The following ADCY9 variants were observed in gnomAD, a reference collection of about 807,000 sequenced individuals.
ADCY9 encodes the protein adenylate cyclase type 9.
A neutral mutation model predicts 101.5 loss-of-function variants in ADCY9; 50 were observed. The observed-to-expected ratio is 0.49, with a 90% CI of 0.39 to 0.62. ADCY9 has a LOEUF of 0.62. Ranked by LOEUF, ADCY9 falls within the 20% of genes least tolerant of loss-of-function variation. ADCY9 has a pLI of 0.00. For synonymous variants in ADCY9, 905 were observed against 769.3 expected (o/e 1.18, Z -2.92); for missense variants, 1,662 against 1,800.4 (o/e 0.92, Z 1.39).
Position 4,105,475 on chromosome 16 carries a change from C to G in ADCY9, c.1693+8275G>C, listed in dbSNP as rs376904650. ...TCACTTGAGGCCAAGATTTTGACAC[C>G]AGCCTGGCCAACATGGTCAAACACC... On this transcript the variant is annotated intron_variant, in intron 2 of 10. Transcript: ENST00000294016. Among the ~76,000 whole-genome samples, 49 of 150,556 alleles carry G rather than the reference C, an allele frequency of 3.3e-4. No homozygotes were observed. The East Asian group carries it at 9.4e-3, about 29-fold the overall frequency.
chr16:3,982,118 T>C (rs2056148621), intron 7 of ADCY9: 1 of 151,832 alleles, frequency 6.6e-6, no homozygotes, highest in Admixed American at 6.6e-5. Context: ...CCACAGGGAG[T>C]TCTGGGAAAC....
intron 2 of ADCY9, among the ~76,000 whole-genome samples, chr16:4,034,395 A>T (rs540838267): frequency 6.6e-6 from 1 of 152,304 alleles, no homozygotes; most frequent in African/African-American, 2.4e-5. Context: ...TCTCCCCAGA[A>T]GAGGAGCCAA....
intron 2 of ADCY9, among the ~76,000 whole-genome samples, chr16:4,101,763 G>A (rs1256473149): frequency 6.6e-6 from 1 of 152,128 alleles, no homozygotes; most frequent in South Asian, 2.1e-4. Flanking sequence ...AACCACTCTA[G>A]TTCAAACCAC....
At chr16:4,052,012 A>G (rs1007984416) in intron 2 of ADCY9, among the ~76,000 whole-genome samples, 6 of 152,176 alleles carry the variant, frequency 3.9e-5, no homozygotes, top group African/African-American at 1.4e-4. Flanking sequence ...ACCTCAACCA[A>G]ATGATAAGTT....
Position 4,102,999 on chromosome 16 carries a change from G to C in ADCY9, c.1693+10751C>G, listed in dbSNP as rs181709513. ...GGCCTCCCAAAGCGCTGGTATTACA[G>C]GCACGAGCCATGGCCAGCTCGAAGT... On this transcript the variant is annotated intron_variant, in intron 2 of 10. Coordinates refer to ENST00000294016, the MANE Select transcript of ADCY9 (RefSeq NM_001116.4). Among the ~76,000 whole-genome samples the C allele has an allele frequency of 1.4e-4, 22 of 152,346 alleles. No individual in the cohort carries two copies. The East Asian group carries it at 3.5e-3, about 24-fold the overall frequency.
At chr16:3,969,263 T>G (rs1342154684) in intron 10 of ADCY9, among the ~76,000 whole-genome samples, 1 of 151,932 alleles carries the variant, frequency 6.6e-6, no homozygotes, top group African/African-American at 2.4e-5. Context: ...TTTTTTCTTT[T>G]TTGAGACAGA....
intron 2 of ADCY9, among the ~76,000 whole-genome samples, chr16:4,097,487 T>TATACACACACACACACAC (rs76750792): frequency 9.7e-5 from 7 of 72,514 alleles, no homozygotes; most frequent in South Asian, 9.4e-4. Flanking sequence ...TATATATATA[T>TATACACACACACACACAC]ACACACACAC....
intron 7 of ADCY9, among the ~76,000 whole-genome samples, chr16:3,979,907 G>A (rs2056126314): frequency 6.6e-6 from 1 of 152,266 alleles, no homozygotes; most frequent in South Asian, 2.1e-4. Flanking sequence ...CTGTGGTGGT[G>A]CTGACACACC....
chr16:3,967,118 G>C (rs1015123746), intron 10 of ADCY9, 152 bp from the exon 11 acceptor site: 2 of 645,328 alleles, frequency 3.1e-6, no homozygotes, highest in African/African-American at 1.8e-5. Flanking sequence ...GCTGGCTGAA[G>C]GTATGGAGGG....
At chr16:4,023,758 C>G (rs577991802) in intron 2 of ADCY9, among the ~76,000 whole-genome samples, 102 of 152,148 alleles carry the variant, frequency 6.7e-4, no homozygotes, top group African/African-American at 2.3e-3. Context: ...ACTAAAAATA[C>G]AAAAATTAGC....
intron 2 of ADCY9, among the ~76,000 whole-genome samples, chr16:4,025,697 C>G (rs910419830): frequency 2.0e-5 from 3 of 152,224 alleles, no homozygotes; most frequent in African/African-American, 7.2e-5. Context: ...GGGAAGGCAG[C>G]TGCAGAGAAG....
At chr16:4,041,702 TG>T (rs1288443474) in intron 2 of ADCY9, among the ~76,000 whole-genome samples, 1 of 151,630 alleles carries the variant, frequency 6.6e-6, no homozygotes, top group Non-Finnish European at 1.5e-5. Flanking sequence ...AAGAAAAAGT[TG>T]ATGATTCATG....
At chr16:3,987,369 G>T (rs955285017) in intron 6 of ADCY9, among the ~76,000 whole-genome samples, 2 of 152,242 alleles carry the variant, frequency 1.3e-5, no homozygotes, top group Admixed American at 6.5e-5. Context: ...CTGCTGTTTG[G>T]GAGGCTCAGC....
rs1239414342 is a variant in ADCY9 at position 4,115,284 on chromosome 16, G to A, written c.159C>T (p.Ser53=). The part of the protein sequence containing the change: ...PKHCKYSISS[S]CSSSGDSGGV... Reference sequence around the variant, plus strand: ...CCCCGGAGTCCCCAGAGCTGCTGCAGCTAGAGGAGATGCTGTATTTGCAGT... The same window carrying A: ...CCCCGGAGTCCCCAGAGCTGCTGCAACTAGAGGAGATGCTGTATTTGCAGT... The change falls in exon 2 of 11, where the codon AGC becomes AGT. Residue 53 remains serine (S), a synonymous_variant. Coordinates refer to ENST00000294016, the MANE Select transcript of ADCY9 (RefSeq NM_001116.4). The surrounding 1 kb of genome is among the most constrained non-coding windows in gnomAD (Gnocchi z 6.2). 3 of 1,613,814 alleles carry A rather than the reference G, an allele frequency of 1.9e-6. No homozygotes were observed. Among genetic ancestry groups the A allele is most frequent in the East Asian group, 2.2e-5 (1 of 44,860 alleles).
rs570637928 is a variant in ADCY9, at chr16:4,115,472, G to A, written c.-30C>T. The A allele has an allele frequency of 1.1e-5, 16 of 1,501,828 alleles. No individual in the cohort carries two copies. In the African/African-American group the frequency reaches 1.7e-4, roughly 16 times the overall value. The allele number at this position is 1,501,828 out of a possible 1,614,324, so 93.0% of individuals were successfully genotyped here. A position where few individuals can be genotyped will look rare whatever the true frequency, so the allele number is the denominator to read the frequency against. On this transcript the variant is annotated 5_prime_UTR_variant, in exon 2 of 11. Coordinates refer to ENST00000294016, the MANE Select transcript of ADCY9 (RefSeq NM_001116.4). The surrounding 1 kb of genome is among the most constrained non-coding windows in gnomAD (Gnocchi z 6.2). ...TCGAGTCCCGGGGCCTGCCCCGGCC[G>A]GGGTCACCAGTACCTGCCAGCAAAA...
Position 4,074,917 on chromosome 16 carries a change from G to A in ADCY9, c.1693+38833C>T, listed in dbSNP as rs544234772. On this transcript the variant is annotated intron_variant, in intron 2 of 10. Coordinates refer to ENST00000294016, the MANE Select transcript of ADCY9 (RefSeq NM_001116.4). ...TGGCCGGGTATAGTGGCTCACACCT[G>A]TAATCCCAATACTTTTGAGAGGCTG... 3.3e-5 allele frequency among the ~76,000 whole-genome samples: 5 copies of A among 151,740 alleles called. No individual in the cohort carries two copies. The East Asian group carries it at 7.9e-4, about 24-fold the overall frequency.
intron 2 of ADCY9, among the ~76,000 whole-genome samples, chr16:4,038,313 G>T (rs1295849514): frequency 6.6e-6 from 1 of 151,746 alleles, no homozygotes; most frequent in African/African-American, 2.4e-5. Context: ...GGGTCTTTAG[G>T]AGGTAAGGAA....
chr16:4,022,490 CAAAAAAAAAAA>C (rs58498676), intron 2 of ADCY9, among the ~76,000 whole-genome samples: 3 of 65,056 alleles, frequency 4.6e-5, no homozygotes, highest in African/African-American at 6.9e-5. Context: ...GACTCCGTCT[CAAAAAAAAAAA>C]AAAAAAAAAA....
In ADCY9 at chr16:3,962,903, A is replaced by G. The variant is rs535394059; in HGVS notation, c.*2872T>C. 1 of 152,578 alleles carries G rather than the reference A, an allele frequency of 6.6e-6. No individual in the cohort carries two copies. Among genetic ancestry groups the G allele is most frequent in the East Asian group, 1.9e-4 (1 of 5,178 alleles). 9.5% of individuals were successfully genotyped at this position (152,578 alleles called of 1,614,324 possible). A position where few individuals can be genotyped will look rare whatever the true frequency, so the allele number is the denominator to read the frequency against. On this transcript the variant is annotated 3_prime_UTR_variant, in exon 11 of 11. Coordinates refer to ENST00000294016, the MANE Select transcript of ADCY9 (RefSeq NM_001116.4). The stretch of plus-strand genomic sequence containing the variant: ...TGGAAACTACAAATGATTACAGCCC[A>G]TGTGACAGGAAGCACGCGGCCTTCG...
Sources: allele counts gnomAD v4.1 joint callset (sites outside exome capture counted in the v4.1 genomes callset), GRCh38; gene constraint gnomAD v4.1.1; non-coding constraint Gnocchi (gnomAD v3.1); transcripts MANE v1.5; gene names NCBI Gene and HGNC (gene_info 2026-07-23, HGNC 2026-07-21).